Variants in CCDC91 observed in about 807,000 individuals in gnomAD.
CCDC91 encodes coiled-coil domain-containing protein 91.
CCDC91 carries 48 observed loss-of-function variants against 63.2 expected under a neutral mutation model. The ratio of observed to expected loss-of-function variants is 0.76; its 90% confidence interval spans 0.60 to 0.97. The LOEUF (loss-of-function observed/expected upper bound fraction) is 0.97. Ranked by LOEUF, CCDC91 falls within the 50% of genes least tolerant of loss-of-function variation. The pLI is 0.00. For missense variants in CCDC91, 500 were observed against 494.6 expected, an observed-to-expected ratio of 1.01 and a Z score of -0.10; for synonymous variants, 167 against 165.8, an observed-to-expected ratio of 1.01 and a Z score of -0.06.
intron 8 of CCDC91, among the ~76,000 whole-genome samples, chr12:28,407,312 G>A (rs544723090): frequency 3.3e-5 from 5 of 152,126 alleles, no homozygotes; most frequent in East Asian, 3.9e-4. Flanking sequence ...AATACAGTAC[G>A]TTTGTCAAAA....
intron 1 of CCDC91, among the ~76,000 whole-genome samples, chr12:28,234,415 G>C (rs1185628805): frequency 6.6e-6 from 1 of 152,076 alleles, no homozygotes; most frequent in Non-Finnish European, 1.5e-5. Context: ...TAAAAAGCAA[G>C]TGGTCCTTAT....
intron 8 of CCDC91, among the ~76,000 whole-genome samples, chr12:28,416,569 G>A (rs1413014134): frequency 1.3e-5 from 2 of 152,046 alleles, no homozygotes; most frequent in Non-Finnish European, 1.5e-5. Flanking sequence ...AGGATAGGGG[G>A]AATTGTTGCT....
At chr12:28,435,731 G>A (rs1268377682) in intron 8 of CCDC91, among the ~76,000 whole-genome samples, 1 of 151,646 alleles carries the variant, frequency 6.6e-6, no homozygotes. Flanking sequence ...TATAATAGTG[G>A]ACTTATCTTT....
At chr12:28,316,343 CTTTAG>C (rs1939856429) in intron 6 of CCDC91, among the ~76,000 whole-genome samples, 1 of 151,406 alleles carries the variant, frequency 6.6e-6, no homozygotes, top group African/African-American at 2.4e-5. Context: ...CCCTTTTATT[CTTTAG>C]TTTAAATAAT....
chr12:28,442,301 A>T (rs946691008), intron 8 of CCDC91, among the ~76,000 whole-genome samples: 1 of 152,124 alleles, frequency 6.6e-6, no homozygotes, highest in Non-Finnish European at 1.5e-5. Context: ...AAAATTCGTG[A>T]CATATTTTAC....
intron 12 of CCDC91, among the ~76,000 whole-genome samples, chr12:28,544,506 G>A (rs1942848069): frequency 6.6e-6 from 1 of 151,944 alleles, no homozygotes; most frequent in African/African-American, 2.4e-5. Context: ...AGTTGGAAAA[G>A]TAACATTGAT....
At chr12:28,426,690 T>C (rs1948336702) in intron 8 of CCDC91, among the ~76,000 whole-genome samples, 1 of 152,190 alleles carries the variant, frequency 6.6e-6, no homozygotes, top group Non-Finnish European at 1.5e-5. Context: ...GCCTATATAT[T>C]ATCCATCCAT....
At chr12:28,514,423 A>C (rs1592916799) in intron 12 of CCDC91, among the ~76,000 whole-genome samples, 1 of 148,924 alleles carries the variant, frequency 6.7e-6, no homozygotes, top group African/African-American at 2.5e-5. Context: ...GTTTACTGGT[A>C]GTTTCTTTTG....
Position 28,411,515 on chromosome 12 carries a change from C to T in CCDC91, c.762+20104C>T, listed in dbSNP as rs74985413. 8.1e-3 allele frequency among the ~76,000 whole-genome samples: 1,232 copies of T among 152,242 alleles called. 15 individuals are homozygous for T. Among genetic ancestry groups the T allele is most frequent in the African/African-American group, 0.029 (1,188 of 41,558 alleles). On this transcript the variant is annotated intron_variant, in intron 8 of 12. Transcript: ENST00000536442. Reference sequence around the variant, plus strand: ...TTAGAGGAAAAAGTTACAAATAGAGCTAACTCTTGACTTCTTTGTCATATT... The same window carrying T: ...TTAGAGGAAAAAGTTACAAATAGAGTTAACTCTTGACTTCTTTGTCATATT...
At chr12:28,455,697 T>G (rs1259293713) in intron 11 of CCDC91, among the ~76,000 whole-genome samples, 1 of 152,030 alleles carries the variant, frequency 6.6e-6, no homozygotes, top group Non-Finnish European at 1.5e-5. Context: ...TTTGTAGCTT[T>G]GCCTGCAGAA....
chr12:28,394,041 A>G (rs1946113958), intron 8 of CCDC91, among the ~76,000 whole-genome samples: 1 of 152,262 alleles, frequency 6.6e-6, no homozygotes, highest in Non-Finnish European at 1.5e-5. Flanking sequence ...CATTGCTGAA[A>G]GAAATTTAAA....
At chr12:28,319,462 TTA>T (rs2137376001) in intron 6 of CCDC91, 1 of 152,722 alleles carries the variant, frequency 6.5e-6, no homozygotes, top group Non-Finnish European at 1.5e-5. Context: ...TTGTGCAAAG[TTA>T]AACATTTATT....
chr12:28,466,863 GA>G (rs1950574344), intron 11 of CCDC91, among the ~76,000 whole-genome samples: 1 of 152,028 alleles, frequency 6.6e-6, no homozygotes, highest in Non-Finnish European at 1.5e-5. Context: ...ATCCTAAGGA[GA>G]AAGAATAAAC....
At chr12:28,237,847 G>A (rs748859526) in intron 1 of CCDC91, among the ~76,000 whole-genome samples, 5 of 152,100 alleles carry the variant, frequency 3.3e-5, no homozygotes, top group Non-Finnish European at 5.9e-5. Flanking sequence ...TTAATTGACC[G>A]GCTCCTCTCT....
At chr12:28,264,771 C>T (rs1308108987) in intron 3 of CCDC91, among the ~76,000 whole-genome samples, 2 of 151,748 alleles carry the variant, frequency 1.3e-5, no homozygotes, top group African/African-American at 4.8e-5. Flanking sequence ...CTCATTGTAG[C>T]GGACTCAAAG....
Position 28,398,554 on chromosome 12 carries a change from T to TATG in CCDC91, c.762+7143_762+7144insATG, listed in dbSNP as rs558131739. On this transcript the variant is annotated intron_variant, in intron 8 of 12. Coordinates refer to ENST00000536442, the MANE Select transcript of CCDC91 (RefSeq NM_018318.5). ...CTAGGTAAGGAATTGCTGTGTCATA[T>TATG]GGTAAGTATATGTTTAACTTTAAAA... 4.4e-3 allele frequency among the ~76,000 whole-genome samples: 664 copies of TATG among 152,298 alleles called. 10 individuals are homozygous for TATG. The highest frequency in any genetic ancestry group is 0.015 in the African/African-American group (637 of 41,570).
chr12:28,258,162 A>G lies in CCDC91; in HGVS notation c.30+917A>G, dbSNP rs559784628. Among the ~76,000 whole-genome samples, 12 of 151,992 alleles carry G rather than the reference A, an allele frequency of 7.9e-5. No homozygotes were observed. In the South Asian group the frequency reaches 1.9e-3, roughly 24 times the overall value. On this transcript the variant is annotated intron_variant, in intron 2 of 12. Transcript: ENST00000536442. ...GAGTATAGACATACCTGTTTTCTCT[A>G]TTTCATCTAAAACTGGTTTTTGTTT... is the stretch of plus-strand genomic sequence containing the variant.
intron 1 of CCDC91, among the ~76,000 whole-genome samples, chr12:28,211,734 C>T (rs1169828800): frequency 6.6e-6 from 1 of 151,636 alleles, no homozygotes; most frequent in Non-Finnish European, 1.5e-5. Flanking sequence ...GCTTTACTCT[C>T]AGGTTCTCTT....
In CCDC91 at chr12:28,301,998, AC is replaced by A. The variant is rs376603733; in HGVS notation, c.110-3648del. 1.3e-4 allele frequency among the ~76,000 whole-genome samples: 19 copies of A among 151,498 alleles called. 1 individual carries two copies. Among genetic ancestry groups the A allele is most frequent in the African/African-American group, 4.6e-4 (19 of 41,430 alleles). ...TTCAGGATTTTGATTAGTTATATGT[AC>A]CCTTTTTTCTTACTAATCTACTTCA... On this transcript the variant is annotated intron_variant, in intron 3 of 12. Transcript: ENST00000536442.
Sources: gnomAD v4.1 joint callset for allele counts (sites outside exome capture counted in the v4.1 genomes callset) on GRCh38, gnomAD v4.1.1 for gene constraint, MANE v1.5 for transcripts, NCBI Gene and HGNC (gene_info 2026-07-23, HGNC 2026-07-21) for gene names.